Variants in FREM2 observed in about 807,000 individuals in gnomAD.
FREM2 encodes FRAS1-related extracellular matrix protein 2.
A neutral mutation model predicts 219.9 loss-of-function variants in FREM2; 119 were observed. That is an observed-to-expected ratio of 0.54 (90% CI 0.47 to 0.63). The LOEUF (loss-of-function observed/expected upper bound fraction) is 0.63. FREM2 is among the 30% of genes least tolerant of loss of function. The pLI is 0.00. For missense variants in FREM2, 4,030 were observed against 3,993.6 expected (o/e 1.01, Z -0.25); for synonymous variants, 1,562 against 1,522.8 (o/e 1.03, Z -0.60).
At chr13:38,726,643 G>A (rs1414842889) in intron 2 of FREM2, among the ~76,000 whole-genome samples, 1 of 152,168 alleles carries the variant, frequency 6.6e-6, no homozygotes, top group Non-Finnish European at 1.5e-5. Context: ...ATGTTGAAAA[G>A]TGCATTCAGG....
chr13:38,828,714 CT>C (rs1408875822), intron 6 of FREM2, among the ~76,000 whole-genome samples: 1 of 147,196 alleles, frequency 6.8e-6, no homozygotes, highest in African/African-American at 2.7e-5. Flanking sequence ...GACCATGTCT[CT>C]TAATAATAAT....
intron 4 of FREM2, among the ~76,000 whole-genome samples, chr13:38,780,585 C>T (rs2137826980): frequency 6.6e-6 from 1 of 152,294 alleles, no homozygotes; most frequent in East Asian, 1.9e-4. Flanking sequence ...ATCTCCAAAG[C>T]CTTCTAATGA....
At chr13:38,751,901 C>G (rs1016093545) in intron 2 of FREM2, among the ~76,000 whole-genome samples, 1 of 134,600 alleles carries the variant, frequency 7.4e-6, no homozygotes, top group African/African-American at 2.9e-5. Context: ...TGTGTGTTTT[C>G]CTTTTGGCAG....
At chr13:38,868,195 A>G (rs989187617) in intron 16 of FREM2, among the ~76,000 whole-genome samples, 4 of 152,212 alleles carry the variant, frequency 2.6e-5, no homozygotes, top group African/African-American at 7.2e-5. Flanking sequence ...AAGAAATTCA[A>G]CCCTCTGAGA....
intron 8 of FREM2, 72 bp from the exon 9 acceptor site, chr13:38,849,966 C>G: frequency 8.1e-7 from 1 of 1,233,806 alleles, no homozygotes; most frequent in South Asian, 1.2e-5. Context: ...ATTCTTTCCA[C>G]TAAATCACAT....
chr13:38,850,166 T>A lies in FREM2; in HGVS notation c.6508T>A (p.Ser2170Thr), dbSNP rs779154228. The change falls in exon 9 of 24, where the codon TCT becomes ACT. Residue 2170 changes from serine (S) to threonine (T), a missense_variant. Physicochemically the swap from Ser to Thr is moderately conservative, Grantham distance 58. Transcript: ENST00000280481. ...SSVRCYTRQG[S>T]AQVMMDFEER... ...AGTGAGATGCTACACCCGGCAGGGG[T>A]CTGCACAGGTGATGATGGACTTTGA... 2 of 1,613,956 alleles carry A rather than the reference T, an allele frequency of 1.2e-6. No homozygotes were observed. The highest frequency in any genetic ancestry group is 1.7e-6 in the Non-Finnish European group (2 of 1,179,922).
chr13:38,720,632 A>G (rs556676790), intron 2 of FREM2, among the ~76,000 whole-genome samples: 2 of 152,356 alleles, frequency 1.3e-5, no homozygotes, highest in African/African-American at 4.8e-5. Context: ...TTTCTGGTCT[A>G]CAGAGAAGGG....
intron 8 of FREM2, 38 bp downstream of exon 8, chr13:38,848,708 T>G (rs61948021): frequency 0.014 from 21,462 of 1,499,958 alleles, 205 homozygotes; most frequent in Middle Eastern, 0.025. Flanking sequence ...CAATGATAAT[T>G]GAAATCATAA....
At chr13:38,787,827 T>C (rs1248091243) in intron 6 of FREM2, among the ~76,000 whole-genome samples, 3 of 151,598 alleles carry the variant, frequency 2.0e-5, no homozygotes, top group Non-Finnish European at 4.4e-5. Context: ...ATTATTTTCT[T>C]AAAAATGCAA....
intron 17 of FREM2, among the ~76,000 whole-genome samples, chr13:38,874,185 A>G (rs527270803): frequency 2.0e-5 from 3 of 152,248 alleles, no homozygotes; most frequent in African/African-American, 7.2e-5. Context: ...ATGCCTCTCA[A>G]TTTACAGCTT....
intron 3 of FREM2, among the ~76,000 whole-genome samples, chr13:38,766,655 T>A (rs1873447853): frequency 6.6e-6 from 1 of 152,178 alleles, no homozygotes; most frequent in African/African-American, 2.4e-5. Context: ...TTACTGAAAT[T>A]TGTAGATGTA....
chr13:38,810,437 A>G (rs186669829), intron 6 of FREM2, among the ~76,000 whole-genome samples: 9 of 152,112 alleles, frequency 5.9e-5, no homozygotes, highest in Admixed American at 5.2e-4. Flanking sequence ...CCCATTCAGT[A>G]TGATGCTAGC....
intron 6 of FREM2, among the ~76,000 whole-genome samples, chr13:38,810,654 C>T (rs1459960477): frequency 6.6e-6 from 1 of 151,888 alleles, no homozygotes; most frequent in African/African-American, 2.4e-5. Context: ...TCCTTGCATT[C>T]CTGGAATAAA....
At chr13:38,765,177 T>A (rs1229264096) in intron 3 of FREM2, among the ~76,000 whole-genome samples, 1 of 152,210 alleles carries the variant, frequency 6.6e-6, no homozygotes, top group Non-Finnish European at 1.5e-5. Flanking sequence ...CCCAAAGTGC[T>A]GGGATTACAG....
intron 16 of FREM2, among the ~76,000 whole-genome samples, chr13:38,872,277 G>A (rs1026012226): frequency 6.6e-6 from 1 of 152,110 alleles, no homozygotes; most frequent in Admixed American, 6.6e-5. Flanking sequence ...TGGTTTCCAG[G>A]GACTGACGGG....
chr13:38,690,074 G>C lies in FREM2; in HGVS notation c.2730G>C (p.Leu910=). 1 of 1,614,052 alleles carries C rather than the reference G, an allele frequency of 6.2e-7. No homozygotes were observed. The highest frequency in any genetic ancestry group is 1.1e-5 in the South Asian group (1 of 91,084). ...VSYAHNGDKS[L]TDSCSLEVSD... ...ATGCCCATAATGGGGACAAGTCCCT[G>C]ACTGATAGCTGCTCCTTGGAAGTCA... The change falls in exon 1 of 24, where the codon CTG becomes CTC. Residue 910 remains leucine, a synonymous_variant. Transcript: ENST00000280481.
chr13:38,867,005 T>C (rs1877993079), intron 16 of FREM2, among the ~76,000 whole-genome samples: 2 of 152,236 alleles, frequency 1.3e-5, no homozygotes, highest in African/African-American at 4.8e-5. Flanking sequence ...CTTTGCTAGA[T>C]TTTTAAAATT....
At chr13:38,759,026 A>G (rs1285945003) in intron 2 of FREM2, among the ~76,000 whole-genome samples, 3 of 152,162 alleles carry the variant, frequency 2.0e-5, no homozygotes, top group African/African-American at 7.2e-5. Flanking sequence ...GAGTGACACC[A>G]TGTCTCTAAA....
chr13:38,759,176 T>C (rs566004996), intron 2 of FREM2, among the ~76,000 whole-genome samples: 1 of 152,246 alleles, frequency 6.6e-6, no homozygotes, highest in South Asian at 2.1e-4. Context: ...TTCTGTAGAG[T>C]TGATTTTCAA....
Sources: allele counts gnomAD v4.1 joint callset (sites outside exome capture counted in the v4.1 genomes callset), GRCh38; gene constraint gnomAD v4.1.1; transcripts MANE v1.5; gene names NCBI Gene and HGNC (gene_info 2026-07-23, HGNC 2026-07-21).